The following GNPTAB variants were observed in gnomAD, a reference collection of about 807,000 sequenced individuals.
The protein encoded by GNPTAB is N-acetylglucosamine-1-phosphotransferase subunits alpha/beta.
Under a neutral mutation model 136.6 loss-of-function variants are expected in GNPTAB, and 92 were observed. The ratio of observed to expected loss-of-function variants is 0.67; its 90% CI spans 0.57 to 0.80. GNPTAB has a LOEUF of 0.80. Among genes scored for constraint, GNPTAB ranks in the 30% least tolerant of loss-of-function variants. GNPTAB has a pLI of 0.00. For missense variants in GNPTAB, 1,343 were observed against 1,501.8 expected (o/e 0.89, Z 1.75); for synonymous variants, 512 against 535.1 (o/e 0.96, Z 0.60).
chr12:101,815,422 G>C (rs1362962222), intron 1 of GNPTAB, among the ~76,000 whole-genome samples: 1 of 152,152 alleles, frequency 6.6e-6, no homozygotes, highest in African/African-American at 2.4e-5. Context: ...GAAATAAAGA[G>C]ACTTGTCCAA....
At chr12:101,794,953 C>T (rs186121677) in intron 2 of GNPTAB, among the ~76,000 whole-genome samples, 20 of 152,086 alleles carry the variant, frequency 1.3e-4, no homozygotes, top group Non-Finnish European at 2.1e-4. Context: ...TTTTTAAAAA[C>T]GTTTGAAGCT....
Position 101,811,732 on chromosome 12 carries a change from G to A in GNPTAB, c.118-14970C>T, listed in dbSNP as rs180812690. Among the ~76,000 whole-genome samples the A allele has an allele frequency of 3.3e-5, 5 of 150,458 alleles. No homozygotes were observed. In the South Asian group the frequency reaches 8.4e-4, roughly 25 times the overall value. ...CAGCTCACTGCAACCTCTGCCTCCC[G>A]GGTTCAAGTGATTCTCTTGCCTCAG... On this transcript the variant is annotated intron_variant, in intron 1 of 20. Transcript: ENST00000299314.
At chr12:101,790,724 A>G (rs2137151275) in intron 2 of GNPTAB, among the ~76,000 whole-genome samples, 1 of 147,416 alleles carries the variant, frequency 6.8e-6, no homozygotes, top group Non-Finnish European at 1.5e-5. Flanking sequence ...TGGGAGACAG[A>G]TCAAGGCCTT....
rs939542843 is a variant in GNPTAB, at chr12:101,764,361, G to C, written c.2556C>G (p.Ile852Met). Residue 852 changes from isoleucine to methionine, a missense_variant, in exon 13 of 21, where the codon ATC (isoleucine) becomes ATG (methionine). Coordinates refer to ENST00000299314, the MANE Select transcript of GNPTAB (RefSeq NM_024312.5). ...TACTGTTCTCTTTTTCTTTCCCTGT[G>C]ATTTTCTTTTCTTTTGTCATCTGGC... Reference protein sequence around the residue: ...LESQMTKEKKITGKEKENSRM... With the variant: ...LESQMTKEKKMTGKEKENSRM... 3 of 1,613,858 alleles carry C rather than the reference G, an allele frequency of 1.9e-6. No homozygotes were observed. The highest frequency in any genetic ancestry group is 2.5e-6 in the Non-Finnish European group (3 of 1,179,970).
chr12:101,784,392 A>G (rs935362628), intron 5 of GNPTAB, among the ~76,000 whole-genome samples: 1 of 152,206 alleles, frequency 6.6e-6, no homozygotes, highest in Non-Finnish European at 1.5e-5. Context: ...GAGGGCAGGG[A>G]TGTGGGGATC....
At chr12:101,806,297 TAAC>T (rs1036331769) in intron 1 of GNPTAB, among the ~76,000 whole-genome samples, 3 of 152,194 alleles carry the variant, frequency 2.0e-5, no homozygotes, top group East Asian at 1.9e-4. Context: ...ACTGCCAAAA[TAAC>T]AACAAGAAAC....
At chr12:101,754,147 C>T (rs950163896) in intron 18 of GNPTAB, among the ~76,000 whole-genome samples, 4 of 152,030 alleles carry the variant, frequency 2.6e-5, no homozygotes, top group African/African-American at 9.7e-5. Context: ...TCTCTGAAGG[C>T]CATGCATGGT....
Position 101,816,472 on chromosome 12 carries a change from G to A in GNPTAB, c.117+14087C>T, listed in dbSNP as rs549477334. Among the ~76,000 whole-genome samples, 12 of 152,248 alleles carry A rather than the reference G, an allele frequency of 7.9e-5. No homozygotes were observed. The South Asian group carries it at 2.5e-3, about 32-fold the overall frequency. ...ATGCTCAACATTACAAGTTATCAGGGAAATGTAATTAAAACCACAGTGAGA... is the reference window on the plus strand; with the variant it reads ...ATGCTCAACATTACAAGTTATCAGGAAAATGTAATTAAAACCACAGTGAGA... On this transcript the variant is annotated intron_variant, in intron 1 of 20. Transcript: ENST00000299314.
At chr12:101,775,081 G>C (rs971588738) in intron 7 of GNPTAB, among the ~76,000 whole-genome samples, 1 of 152,140 alleles carries the variant, frequency 6.6e-6, no homozygotes, top group Non-Finnish European at 1.5e-5. Context: ...CAAGGATAGC[G>C]GCAACAGGTC....
Position 101,747,134 on chromosome 12 carries a change from T to C in GNPTAB, c.*30A>G. 1 of 1,217,744 alleles carries C rather than the reference T, an allele frequency of 8.2e-7. No homozygotes were observed. Among genetic ancestry groups the C allele is most frequent in the Non-Finnish European group, 1.2e-6 (1 of 818,026 alleles). The allele number at this position is 1,217,744 out of a possible 1,614,324, so 75.4% of individuals were successfully genotyped here. A position where few individuals can be genotyped will look rare whatever the true frequency, so the allele number is the denominator to read the frequency against. ...GAGTTTTAAAATGCTCAGTAAATGC[T>C]GAGGTAGATGGTTTTCAAATGAAGA... On this transcript the variant is annotated 3_prime_UTR_variant, in exon 21 of 21. Transcript: ENST00000299314.
intron 7 of GNPTAB, among the ~76,000 whole-genome samples, chr12:101,775,356 CT>C (rs796741418): frequency 1.1e-5 from 1 of 93,878 alleles, no homozygotes; most frequent in Non-Finnish European, 2.0e-5. Flanking sequence ...GCTATTAGAT[CT>C]TTTTTTTCTT....
chr12:101,770,314 G>T (rs1394145920), intron 9 of GNPTAB, 92 bp downstream of exon 9: 2 of 1,360,638 alleles, frequency 1.5e-6, no homozygotes, highest in Non-Finnish European at 2.1e-6. Flanking sequence ...GAGGTAGAAG[G>T]GTAAAGGGAA....
intron 15 of GNPTAB, among the ~76,000 whole-genome samples, chr12:101,760,925 G>A (rs1366735106): frequency 2.0e-5 from 3 of 151,854 alleles, no homozygotes; most frequent in Admixed American, 6.6e-5. Context: ...AATGACAGGC[G>A]CATGCCACCA....
intron 18 of GNPTAB, among the ~76,000 whole-genome samples, chr12:101,755,333 G>A (rs1338668003): frequency 2.0e-5 from 3 of 152,144 alleles, no homozygotes; most frequent in African/African-American, 7.2e-5. Flanking sequence ...CAAGTGAGGG[G>A]TATGTGAAAG....
intron 1 of GNPTAB, among the ~76,000 whole-genome samples, chr12:101,800,034 G>C (rs1457004128): frequency 6.6e-6 from 1 of 152,096 alleles, no homozygotes; most frequent in East Asian, 1.9e-4. Flanking sequence ...TGAGTTTGTT[G>C]GACACTGGTC....
At chr12:101,808,195 C>A (rs993237707) in intron 1 of GNPTAB, among the ~76,000 whole-genome samples, 6 of 152,116 alleles carry the variant, frequency 3.9e-5, no homozygotes, top group Admixed American at 3.9e-4. Context: ...TTCCCAACTT[C>A]ATCTACAGAT....
intron 1 of GNPTAB, among the ~76,000 whole-genome samples, chr12:101,825,411 G>A (rs976697013): frequency 6.6e-6 from 1 of 152,120 alleles, no homozygotes; most frequent in Non-Finnish European, 1.5e-5. Context: ...AACTATAAAC[G>A]CTACATCAGA....
intron 2 of GNPTAB, among the ~76,000 whole-genome samples, chr12:101,795,428 T>C (rs1481826648): frequency 6.6e-6 from 1 of 152,158 alleles, no homozygotes; most frequent in Non-Finnish European, 1.5e-5. Flanking sequence ...AAAATAAAAC[T>C]GAAACATTTT....
chr12:101,788,106 C>G (rs1868771463), intron 4 of GNPTAB, among the ~76,000 whole-genome samples: 1 of 152,134 alleles, frequency 6.6e-6, no homozygotes, highest in Non-Finnish European at 1.5e-5. Flanking sequence ...GTATTTGGTT[C>G]TTGTTGTTGG....
Sources: allele counts gnomAD v4.1 joint callset (sites outside exome capture counted in the v4.1 genomes callset), GRCh38; gene constraint gnomAD v4.1.1; transcripts MANE v1.5; gene names NCBI Gene and HGNC (gene_info 2026-07-23, HGNC 2026-07-21).